RBFOX1: variants seen among roughly 807,000 people sequenced by gnomAD.
The protein encoded by RBFOX1 is RNA binding protein fox-1 homolog 1.
In RBFOX1, 8 loss-of-function variants were observed where a neutral mutation model predicts 57.7. The observed-to-expected ratio is 0.14, with a 90% CI of 0.08 to 0.25. The LOEUF is 0.25. Among genes scored for constraint, RBFOX1 ranks in the 10% least tolerant of loss-of-function variants. RBFOX1 has a pLI of 1.00. For synonymous variants in RBFOX1, 326 were observed against 222.4 expected (o/e 1.47, Z -4.15); for missense variants, 611 against 548.5 (o/e 1.11, Z -1.14).
intron 1 of RBFOX1, among the ~76,000 whole-genome samples, chr16:6,189,079 G>A (rs999128527): frequency 6.6e-6 from 1 of 152,188 alleles, no homozygotes; most frequent in Admixed American, 6.5e-5. Context: ...GGTTTCAGAT[G>A]ACCTCTGAAA....
chr16:6,535,599 G>C (rs1295228698), intron 2 of RBFOX1, among the ~76,000 whole-genome samples: 1 of 152,128 alleles, frequency 6.6e-6, no homozygotes, highest in Non-Finnish European at 1.5e-5. Flanking sequence ...AAATGATTCA[G>C]TGAATGATTG....
intron 4 of RBFOX1, among the ~76,000 whole-genome samples, chr16:7,166,272 C>T (rs2079492528): frequency 6.6e-6 from 1 of 152,112 alleles, no homozygotes; most frequent in African/African-American, 2.4e-5. Flanking sequence ...TGTCGGACTT[C>T]CCAAGTGCTG....
intron 3 of RBFOX1, among the ~76,000 whole-genome samples, chr16:6,944,452 G>C (rs1191641579): frequency 6.6e-6 from 1 of 151,844 alleles, no homozygotes; most frequent in Non-Finnish European, 1.5e-5. Context: ...CCCTTGCTTG[G>C]CCACTTCCCT....
At chr16:5,592,804 C>T (rs972872013) in intron 2 of RBFOX1, among the ~76,000 whole-genome samples, 2 of 152,188 alleles carry the variant, frequency 1.3e-5, no homozygotes, top group Non-Finnish European at 2.9e-5. Flanking sequence ...CTTGCTTTCT[C>T]TTGGCGTCCA....
chr16:6,995,030 C>T (rs1359885870), intron 3 of RBFOX1, among the ~76,000 whole-genome samples: 2 of 146,540 alleles, frequency 1.4e-5, no homozygotes, highest in African/African-American at 5.1e-5. Context: ...TATATATGTG[C>T]CAGGTATTAG....
Position 6,844,512 on chromosome 16 carries a change from C to G in RBFOX1, c.-16+189862C>G, listed in dbSNP as rs182168730. Among the ~76,000 whole-genome samples, 170 of 152,152 alleles carry G rather than the reference C, an allele frequency of 1.1e-3. 2 individuals carry two copies. The highest frequency in any genetic ancestry group is 4.6e-3 in the Admixed American group (71 of 15,276). ...TCTATGTCTCTGCAGAAGATATGAC[C>G]TTATTCTTTTTTATGGCTGCATAGT... On this transcript the variant is annotated intron_variant, in intron 3 of 15. Coordinates refer to ENST00000550418, the MANE Select transcript of RBFOX1 (RefSeq NM_018723.4).
chr16:7,161,770 A>G lies in RBFOX1; in HGVS notation c.27+109672A>G, dbSNP rs561671584. ...TAGAATCTTGCAAGAATACAAACCA[A>G]CATTTATAGAGGTGATTTCAGCACA... is the stretch of plus-strand genomic sequence containing the variant. On this transcript the variant is annotated intron_variant, in intron 4 of 15. Transcript: ENST00000550418. Among the ~76,000 whole-genome samples the G allele has an allele frequency of 2.1e-4, 32 of 152,342 alleles. 1 individual carries two copies. The South Asian group carries it at 6.6e-3, about 32-fold the overall frequency.
intron 3 of RBFOX1, among the ~76,000 whole-genome samples, chr16:6,836,901 G>A (rs949671107): frequency 6.6e-6 from 1 of 152,110 alleles, no homozygotes; most frequent in African/African-American, 2.4e-5. Context: ...CATTGAATCA[G>A]CGTTGCCAAG....
chr16:5,270,021 G>T (rs1174673983), intron 1 of RBFOX1, among the ~76,000 whole-genome samples: 1 of 152,108 alleles, frequency 6.6e-6, no homozygotes, highest in Non-Finnish European at 1.5e-5. Context: ...GCAGCTGGGT[G>T]CAGTGGCTCA....
chr16:7,577,514 C>G (rs2093430758), intron 5 of RBFOX1, among the ~76,000 whole-genome samples: 1 of 152,220 alleles, frequency 6.6e-6, no homozygotes, highest in Non-Finnish European at 1.5e-5. Context: ...CGTTTAACCT[C>G]CAGAATTGGC....
intron 3 of RBFOX1, among the ~76,000 whole-genome samples, chr16:6,943,632 C>T (rs898692736): frequency 5.9e-4 from 90 of 151,374 alleles, no homozygotes; most frequent in Middle Eastern, 3.4e-3. Context: ...GGCGTGAACC[C>T]GGGAGGCGGA....
At chr16:5,881,353 T>G (rs1275812225) in intron 4 of RBFOX1, among the ~76,000 whole-genome samples, 1 of 152,196 alleles carries the variant, frequency 6.6e-6, no homozygotes, top group Non-Finnish European at 1.5e-5. Flanking sequence ...ACCTGTGGCT[T>G]CTTCTTTTCC....
intron 1 of RBFOX1, among the ~76,000 whole-genome samples, chr16:6,267,610 G>C (rs1202708708): frequency 6.6e-6 from 1 of 152,154 alleles, no homozygotes; most frequent in East Asian, 1.9e-4. Context: ...GAAGGTATGG[G>C]TGGAAGACTG....
rs115507193 is a variant in RBFOX1, at chr16:7,589,405, C to T, written c.468+2105C>T. ...GTGATACTGTTTTTAAGACATCTTC[C>T]GTCATTCCCATGATTAGCCTGTCTC... On this transcript the variant is annotated intron_variant, in intron 7 of 15. Coordinates refer to ENST00000550418, the MANE Select transcript of RBFOX1 (RefSeq NM_018723.4). Among the ~76,000 whole-genome samples the T allele has an allele frequency of 2.9e-3, 438 of 152,222 alleles. 2 individuals are homozygous for T. Among genetic ancestry groups the T allele is most frequent in the African/African-American group, 9.7e-3 (404 of 41,528 alleles).
intron 2 of RBFOX1, among the ~76,000 whole-genome samples, chr16:6,336,173 ATATATATATTTTTTTTTTTTTTTTTTT>A (rs2083675503): frequency 2.9e-5 from 1 of 34,186 alleles, no homozygotes; most frequent in African/African-American, 8.5e-5. Context: ...ATATATATAT[ATATATATATTTTTTTTTTTTTTTTTTT>A]TTTTTTTTTT....
intron 2 of RBFOX1, among the ~76,000 whole-genome samples, chr16:6,614,923 G>T (rs1409374683): frequency 6.6e-5 from 10 of 152,088 alleles, no homozygotes; most frequent in Admixed American, 2.0e-4. Flanking sequence ...GGACTTCACC[G>T]TATCTTTTTG....
chr16:5,423,381 A>G (rs2067414305), intron 1 of RBFOX1, among the ~76,000 whole-genome samples: 2 of 152,150 alleles, frequency 1.3e-5, no homozygotes, highest in South Asian at 4.1e-4. Flanking sequence ...GTATAGATTT[A>G]TGTAACAACA....
chr16:5,411,752 C>G (rs1021396316), intron 1 of RBFOX1, among the ~76,000 whole-genome samples: 1 of 151,776 alleles, frequency 6.6e-6, no homozygotes, highest in Non-Finnish European at 1.5e-5. Context: ...AAAAATTAGT[C>G]AGGCATGGTG....
At chr16:5,449,913 C>T (rs1035232954) in intron 1 of RBFOX1, among the ~76,000 whole-genome samples, 2 of 152,186 alleles carry the variant, frequency 1.3e-5, no homozygotes, top group Non-Finnish European at 2.9e-5. Flanking sequence ...CAGCCCACCT[C>T]TAGCTTTGTA....
Sources: allele counts gnomAD v4.1 joint callset (sites outside exome capture counted in the v4.1 genomes callset), GRCh38; gene constraint gnomAD v4.1.1; transcripts MANE v1.5; gene names NCBI Gene and HGNC (gene_info 2026-07-23, HGNC 2026-07-21).